SPG7: variants seen among roughly 807,000 people sequenced by gnomAD.
SPG7 encodes mitochondrial inner membrane m-AAA protease component paraplegin.
SPG7 carries 103 observed loss-of-function variants against 81.9 expected under a neutral mutation model. That is an observed-to-expected ratio of 1.26 (90% confidence interval 1.07 to 1.48). The LOEUF is 1.48. Ranked by LOEUF, SPG7 falls within the 40% of genes most tolerant of loss-of-function variation. SPG7 has a pLI of 0.00. For missense variants in SPG7, 1,241 were observed against 1,087.3 expected (o/e 1.14, Z -1.99); for synonymous variants, 534 against 444.2 (o/e 1.20, Z -2.54).
In SPG7 at chr16:89,546,691, A is replaced by G; in HGVS notation, c.1483A>G (p.Ser495Gly). 1 of 1,613,570 alleles carries G rather than the reference A, an allele frequency of 6.2e-7. No homozygotes were observed. The highest frequency in any genetic ancestry group is 1.1e-5 in the South Asian group (1 of 91,066). Residue 495 changes from serine to glycine, a missense_variant, in exon 11 of 17, where the codon AGC (serine) becomes GGC (glycine). Transcript: ENST00000645818. ...GGAGATTTTTGAGCAGCACCTGAAG[A>G]GCCTGAAGCTGACCCAGTCCAGCAC... ...RREIFEQHLK[S>G]LKLTQSSTFY... is the part of the protein sequence containing the mutation.
chr16:89,511,241 A>G (rs1281897213), intron 2 of SPG7, among the ~76,000 whole-genome samples: 1 of 152,170 alleles, frequency 6.6e-6, no homozygotes, highest in East Asian at 1.9e-4. Context: ...TTTAGTAAGG[A>G]TTTACAAAGT....
intron 3 of SPG7, 93 bp from the exon 4 acceptor site, chr16:89,523,913 C>A: frequency 1.3e-6 from 2 of 1,526,578 alleles, no homozygotes; most frequent in Non-Finnish European, 1.8e-6. Context: ...TGCCCCTCCC[C>A]GTCCAGCTGA....
chr16:89,550,438 G>T (rs925946960), intron 12 of SPG7, 56 bp from the exon 13 acceptor site: 20 of 1,272,744 alleles, frequency 1.6e-5, no homozygotes, highest in Non-Finnish European at 2.3e-5. Flanking sequence ...CTCCCACAGC[G>T]CTGGGATTAC....
Position 89,553,059 on chromosome 16 carries a change from G to A in SPG7, c.1860G>A (p.Glu620=), listed in dbSNP as rs1052555516. 7 of 1,613,844 alleles carry A rather than the reference G, an allele frequency of 4.3e-6. No individual in the cohort carries two copies. In the African/African-American group the frequency reaches 9.3e-5, roughly 22 times the overall value. ...GAGACCAGCACCTCTTCACCAAGGA[G>A]CAGCTGTTTGAGCGGATGTGCATGG... The part of the protein sequence containing the change: ...LPRDQHLFTK[E]QLFERMCMAL... Residue 620 remains glutamate (E), a synonymous_variant, in exon 14 of 17, where the codon GAG becomes GAA. Transcript: ENST00000645818.
intron 14 of SPG7, chr16:89,553,544 A>T: frequency 1.8e-6 from 1 of 562,748 alleles, no homozygotes; most frequent in Non-Finnish European, 3.2e-6. Context: ...GAGAACTGCC[A>T]TGCAGTGAGC....
intron 9 of SPG7, among the ~76,000 whole-genome samples, chr16:89,542,498 A>C (rs1475561470): frequency 6.6e-6 from 1 of 152,202 alleles, no homozygotes; most frequent in Non-Finnish European, 1.5e-5. Flanking sequence ...CCCTTGTAGA[A>C]ATGTGACTGG....
chr16:89,542,022 G>A (rs2058502652), intron 9 of SPG7: 2 of 151,608 alleles, frequency 1.3e-5, no homozygotes, highest in African/African-American at 2.4e-5. Flanking sequence ...CCCGCAGGGT[G>A]GCCATCCTGA....
chr16:89,554,912 AT>A (rs907103956), intron 16 of SPG7: 30 of 243,256 alleles, frequency 1.2e-4, no homozygotes, highest in Non-Finnish European at 2.1e-4. Context: ...TAGAGTAGGA[AT>A]TTTTTTTTCT....
At chr16:89,517,632 T>TTTTTTTTTTTTTG (rs1567900536) in intron 3 of SPG7, 1 of 151,508 alleles carries the variant, frequency 6.6e-6, no homozygotes. Flanking sequence ...TTTTTTTTTT[T>TTTTTTTTTTTTTG]TTTTGAGATG....
chr16:89,532,023 C>A lies in SPG7; in HGVS notation c.1107C>A (p.Pro369=), dbSNP rs1184672080. 3 of 1,613,686 alleles carry A rather than the reference C, an allele frequency of 1.9e-6. No homozygotes were observed. The South Asian group carries it at 3.3e-5, about 18-fold the overall frequency. Residue 369 remains proline, a synonymous_variant, in exon 8 of 17, where the codon CCC becomes CCA. Coordinates refer to ENST00000645818, the MANE Select transcript of SPG7 (RefSeq NM_003119.4). ...CGGTGGCCACGGAGGCTCAGGTGCC[C>A]TTCCTGGCGATGGCCGGCCCAGAGT... ...AKAVATEAQV[P]FLAMAGPEFV...
In SPG7 at chr16:89,530,435, T is replaced by C. The variant is rs537011712; in HGVS notation, c.862-248T>C. The stretch of plus-strand genomic sequence containing the variant: ...CTAGGATTACAGGCGTGAGCCACCA[T>C]GCCTGGCTGAGTAATTTTTTTTAAA... On this transcript the variant is annotated intron_variant, in intron 6 of 16. Coordinates refer to ENST00000645818, the MANE Select transcript of SPG7 (RefSeq NM_003119.4). The C allele has an allele frequency of 8.0e-5, 44 of 547,574 alleles. No homozygotes were observed. In the East Asian group the frequency reaches 8.8e-4, roughly 11 times the overall value. The allele number at this position is 547,574 out of a possible 1,614,324, so 33.9% of individuals were successfully genotyped here.
chr16:89,510,356 T>C, intron 1 of SPG7, 134 bp from the exon 2 acceptor site: 5 of 668,528 alleles, frequency 7.5e-6, no homozygotes, highest in Non-Finnish European at 1.3e-5. Flanking sequence ...AGACTATTAC[T>C]TTATATTTCA....
chr16:89,508,877 G>A (rs1471593919), intron 1 of SPG7: 1 of 639,758 alleles, frequency 1.6e-6, no homozygotes, highest in Non-Finnish European at 2.9e-6. Context: ...TTCTCCGCCC[G>A]TCTTCCTCGC....
chr16:89,554,694 C>T, intron 16 of SPG7, 131 bp downstream of exon 16: 1 of 693,974 alleles, frequency 1.4e-6, no homozygotes, highest in Non-Finnish European at 2.6e-6. Flanking sequence ...GATGTGAATT[C>T]TACCCAGCTC....
At chr16:89,511,429 A>G (rs2058020877) in intron 2 of SPG7, among the ~76,000 whole-genome samples, 1 of 152,188 alleles carries the variant, frequency 6.6e-6, no homozygotes, top group Non-Finnish European at 1.5e-5. Flanking sequence ...ATGGAGTTGG[A>G]ACAGGGAAAA....
In SPG7 at chr16:89,554,466, ACAGTTCC is replaced by A. The variant is rs1567934749; in HGVS notation, c.2104-18_2104-12del. ...CCAGGCGGCCAGCCTTGCCCCTGACACAGTTCCCTCCACTCACAGGAAGCAAGACTGC... is the reference window on the plus strand; with the variant it reads ...CCAGGCGGCCAGCCTTGCCCCTGACACTCCACTCACAGGAAGCAAGACTGC... On this transcript the variant is annotated splice_polypyrimidine_tract_variant and intron_variant, in intron 15 of 16. Transcript: ENST00000645818. The A allele has an allele frequency of 6.3e-7, 1 of 1,589,130 alleles. No individual in the cohort carries two copies. The highest frequency in any genetic ancestry group is 8.6e-7 in the Non-Finnish European group (1 of 1,164,144).
chr16:89,549,347 CAG>C (rs1469694058), intron 12 of SPG7: 1 of 404,944 alleles, frequency 2.5e-6, no homozygotes, highest in East Asian at 7.2e-5. Context: ...GTAAGCTGAA[CAG>C]GGGAGATTTA....
chr16:89,536,879 A>T lies in SPG7; in HGVS notation c.1324+4243A>T, dbSNP rs373349031. 3.1e-6 allele frequency: 5 copies of T among 1,614,064 alleles called. No homozygotes were observed. In the African/African-American group the frequency reaches 6.7e-5, roughly 22 times the overall value. On this transcript the variant is annotated intron_variant, in intron 9 of 16. Transcript: ENST00000645818. ...GGGTCACGGAGGGCAATGGAGGGTCATTCGCTCTGCTGGGGTTGCCTTTTG... is the reference window on the plus strand; with the variant it reads ...GGGTCACGGAGGGCAATGGAGGGTCTTTCGCTCTGCTGGGGTTGCCTTTTG...
chr16:89,526,613 T>A, intron 5 of SPG7, 145 bp downstream of exon 5: 1 of 850,744 alleles, frequency 1.2e-6, no homozygotes, highest in Non-Finnish European at 2.0e-6. Context: ...AATATAGAAG[T>A]GAATGATACA....
Sources: gnomAD v4.1 joint callset for allele counts (sites outside exome capture counted in the v4.1 genomes callset) on GRCh38, gnomAD v4.1.1 for gene constraint, MANE v1.5 for transcripts, NCBI Gene and HGNC (gene_info 2026-07-23, HGNC 2026-07-21) for gene names.